The following MYBPC1 variants were observed in gnomAD, a reference collection of about 807,000 sequenced individuals.
The protein encoded by MYBPC1 is myosin-binding protein C, slow-type.
Under a neutral mutation model 147.1 loss-of-function variants are expected in MYBPC1, and 52 were observed. The ratio of observed to expected loss-of-function variants is 0.35; its 90% CI spans 0.28 to 0.45. MYBPC1 has a LOEUF of 0.45. MYBPC1 is among the 20% of genes least tolerant of loss of function. MYBPC1 has a pLI of 1.00. For missense variants in MYBPC1, 1,228 were observed against 1,440.3 expected, an observed-to-expected ratio of 0.85 and a Z score of 2.39; for synonymous variants, 477 against 475.9, an observed-to-expected ratio of 1.00 and a Z score of -0.03.
chr12:101,652,226 A>C (rs1427012962), intron 16 of MYBPC1, among the ~76,000 whole-genome samples: 1 of 152,218 alleles, frequency 6.6e-6, no homozygotes, highest in Non-Finnish European at 1.5e-5. Flanking sequence ...TTACACAGAA[A>C]GGATTCATAG....
downstream of MYBPC1, among the ~76,000 whole-genome samples, chr12:101,687,948 A>G (rs1228848020): frequency 2.0e-5 from 3 of 152,340 alleles, no homozygotes; most frequent in East Asian, 3.9e-4. Flanking sequence ...AAGGGTACAC[A>G]TACACTGCAA....
At chr12:101,643,517 A>C (rs936110229) in intron 11 of MYBPC1, among the ~76,000 whole-genome samples, 7 of 152,168 alleles carry the variant, frequency 4.6e-5, no homozygotes, top group Admixed American at 3.3e-4. Flanking sequence ...TTTAAAAGCT[A>C]GGGTTTATTT....
chr12:101,612,572 A>G (rs903941878), intron 1 of MYBPC1, among the ~76,000 whole-genome samples: 5 of 152,174 alleles, frequency 3.3e-5, no homozygotes, highest in African/African-American at 1.2e-4. Context: ...AATACTTTCA[A>G]GTAGAATAAT....
At chr12:101,629,661 T>C (rs987928296) in intron 6 of MYBPC1, 117 bp downstream of exon 6, 1 of 757,634 alleles carries the variant, frequency 1.3e-6, no homozygotes, top group African/African-American at 1.7e-5. Flanking sequence ...TCATTTGAGC[T>C]CAGGAGTTCG....
At chr12:101,637,055 T>TCTCATGACTGAATAA in intron 10 of MYBPC1, 11 of 290,848 alleles carry the variant, frequency 3.8e-5, no homozygotes, top group East Asian at 8.5e-5. Flanking sequence ...TATGATTTGG[T>TCTCATGACTGAATAA]AGAAGTCTGA....
intron 3 of MYBPC1, among the ~76,000 whole-genome samples, chr12:101,625,356 T>G (rs1424173440): frequency 1.3e-5 from 2 of 152,240 alleles, no homozygotes; most frequent in Non-Finnish European, 2.9e-5. Context: ...GTTGGTTTTA[T>G]TCTAACTGGA....
chr12:101,666,715 T>C (rs937916108), intron 22 of MYBPC1: 49 of 1,598,124 alleles, frequency 3.1e-5, no homozygotes, highest in Non-Finnish European at 4.1e-5. Flanking sequence ...TGGGTGTCTT[T>C]AATTAATTTT....
chr12:101,684,198 C>T (rs1477589248), intron 30 of MYBPC1, among the ~76,000 whole-genome samples, 184 bp from the exon 31 acceptor site: 1 of 152,118 alleles, frequency 6.6e-6, no homozygotes, highest in Non-Finnish European at 1.5e-5. Flanking sequence ...TTTGACGTGA[C>T]TGGATCCCCA....
intron 12 of MYBPC1, among the ~76,000 whole-genome samples, chr12:101,645,603 T>G (rs1339958748): frequency 6.6e-6 from 1 of 152,250 alleles, no homozygotes; most frequent in Admixed American, 6.5e-5. Flanking sequence ...ATGATAACAT[T>G]AATATCTGGT....
At position 101,678,111 on chromosome 12, in the gene MYBPC1, A is replaced by G; in HGVS notation, c.3119A>G (p.Tyr1040Cys). The G allele has an allele frequency of 6.2e-7, 1 of 1,613,526 alleles. No homozygotes were observed. The highest frequency in any genetic ancestry group is 8.5e-7 in the Non-Finnish European group (1 of 1,179,430). ...SAVIARDGKI[Y>C]KNPVYEDFDF... ...AATGCTTGTTTTTAAGGTAAAATCT[A>G]CAAAAATCCAGTGTATGAAGACTTT... Residue 1040 changes from tyrosine (Y) to cysteine (C), a missense_variant, in exon 28 of 32, where the codon TAC becomes TGC. Physicochemically the swap from Tyr to Cys is radical, Grantham distance 194. Transcript: ENST00000361466.
At chr12:101,668,687 A>T (rs1897965222) in intron 23 of MYBPC1, among the ~76,000 whole-genome samples, 1 of 151,782 alleles carries the variant, frequency 6.6e-6, no homozygotes, top group Non-Finnish European at 1.5e-5. Flanking sequence ...CTGGTCTCGA[A>T]CTCCTGACCT....
At chr12:101,619,294 C>A (rs1285583907) in intron 3 of MYBPC1, among the ~76,000 whole-genome samples, 1 of 152,022 alleles carries the variant, frequency 6.6e-6, no homozygotes, top group African/African-American at 2.4e-5. Flanking sequence ...ACCATCCTGG[C>A]TTACTTTTAT....
chr12:101,615,135 G>A (rs1354820025), intron 2 of MYBPC1, among the ~76,000 whole-genome samples: 4 of 152,176 alleles, frequency 2.6e-5, no homozygotes, highest in Non-Finnish European at 5.9e-5. Flanking sequence ...ACCCTTGGCA[G>A]GTAGGGCAGT....
At chr12:101,661,972 T>G (rs541902152) in intron 20 of MYBPC1, among the ~76,000 whole-genome samples, 20 of 151,808 alleles carry the variant, frequency 1.3e-4, no homozygotes, top group African/African-American at 4.3e-4. Context: ...CCATGAGAAT[T>G]TTTTCTCTTT....
Position 101,626,897 on chromosome 12 carries a change from C to A in MYBPC1, c.129C>A (p.Ser43Arg), listed in dbSNP as rs138170393. 3.7e-6 allele frequency: 6 copies of A among 1,612,258 alleles called. No homozygotes were observed. The highest frequency in any genetic ancestry group is 2.2e-5 in the South Asian group (2 of 91,066). The change falls in exon 4 of 32, where the codon AGC becomes AGA. Residue 43 changes from serine to arginine, a missense_variant. By Grantham distance (110) the Ser-to-Arg change is moderately radical. Around this residue, in one of 2 missense-constraint regions of MYBPC1, gnomAD observed 151 missense variants for 126.1 expected, o/e 1.20. Coordinates refer to ENST00000361466, the MANE Select transcript of MYBPC1 (RefSeq NM_002465.4). Reference protein sequence around the residue: ...AKDEEEVSPPSALPPGLGSRA... With the variant: ...AKDEEEVSPPRALPPGLGSRA... ...ATGAAGAGGAAGTCTCCCCGCCTAG[C>A]GCCTTGCCTCCAGGTTGGGATAATT...
At chr12:101,601,708 A>G (rs1464014433) in intron 1 of MYBPC1, among the ~76,000 whole-genome samples, 1 of 152,060 alleles carries the variant, frequency 6.6e-6, no homozygotes, top group Non-Finnish European at 1.5e-5. Context: ...CAAATGTTAG[A>G]TCTTATGATT....
intron 23 of MYBPC1, chr12:101,669,925 T>C: frequency 4.2e-6 from 1 of 235,790 alleles, no homozygotes; most frequent in Non-Finnish European, 7.5e-6. Flanking sequence ...AGAGAGACTC[T>C]CTGAAAAAAA....
At chr12:101,677,751 G>T (rs1173522940) in intron 27 of MYBPC1, among the ~76,000 whole-genome samples, 1 of 152,100 alleles carries the variant, frequency 6.6e-6, no homozygotes, top group Non-Finnish European at 1.5e-5. Flanking sequence ...GTGATAAAAG[G>T]AGAAACTAAA....
chr12:101,677,455 C>T, intron 27 of MYBPC1, 61 bp downstream of exon 27: 1 of 1,591,904 alleles, frequency 6.3e-7, no homozygotes. Flanking sequence ...ACAGAGAAGA[C>T]TGGAAAAAGA....
Sources: allele counts gnomAD v4.1 joint callset (sites outside exome capture counted in the v4.1 genomes callset), GRCh38; gene constraint gnomAD v4.1.1; regional missense constraint gnomAD v4.1.1; transcripts MANE v1.5; gene names NCBI Gene and HGNC (gene_info 2026-07-23, HGNC 2026-07-21).